Variants in ZNF506 observed in about 807,000 individuals in gnomAD.
ZNF506 encodes the protein zinc finger protein 506.
In ZNF506, 10 loss-of-function variants were observed where a neutral mutation model predicts 11.6. The observed-to-expected ratio is 0.86, with a 90% CI of 0.53 to 1.46. The LOEUF (loss-of-function observed/expected upper bound fraction) is 1.46. Ranked by LOEUF, ZNF506 falls within the 40% of genes most tolerant of loss-of-function variation. The probability of loss-of-function intolerance (pLI) is 0.00; values close to 1 mark genes in which losing one functional copy is unlikely to be tolerated. For missense variants in ZNF506, 425 were observed against 521.2 expected (o/e 0.82, Z 1.80); for synonymous variants, 156 against 173.3 (o/e 0.90, Z 0.78).
At position 19,794,573 on chromosome 19, in the gene ZNF506, T is replaced by C. The variant is rs1022572619; in HGVS notation, c.1314A>G (p.Gln438=). The C allele has an allele frequency of 2.5e-6, 4 of 1,599,182 alleles. No homozygotes were observed. The African/African-American group carries it at 4.0e-5, about 16-fold the overall frequency. ...KNVENLLNVP[Q]PLISIR is the part of the protein sequence containing the mutation. ...TGAATTATCTTATGCTTATTAAGGG[T>C]TGAGGAACATTTAAAAGATTTTCCA... Residue 438 remains glutamine, a synonymous_variant, in exon 4 of 4, where the codon CAA becomes CAG. Transcript: ENST00000540806.
rs1448169150 is a variant in ZNF506 at position 19,807,078 on chromosome 19, A to T, written c.4-10T>A. The T allele has an allele frequency of 1.2e-6, 2 of 1,613,040 alleles. No individual in the cohort carries two copies. The highest frequency in any genetic ancestry group is 3.3e-5 in the Admixed American group (2 of 59,814). On this transcript the variant is annotated splice_polypyrimidine_tract_variant and intron_variant, in intron 1 of 3. Transcript: ENST00000540806. ...TAAATTGCAATGGTCCCTGAAAAAA[A>T]CACACACACTTATTTTTACCAAGTG...
intron 3 of ZNF506, among the ~76,000 whole-genome samples, chr19:19,802,233 G>A (rs973507599): frequency 2.0e-5 from 3 of 150,156 alleles, no homozygotes; most frequent in East Asian, 1.9e-4. Flanking sequence ...AATTGTCTAC[G>A]TAACTGCAAT....
At position 19,806,967 on chromosome 19, in the gene ZNF506, C is replaced by A; in HGVS notation, c.105G>T (p.Glu35Asp). The stretch of plus-strand genomic sequence containing the variant: ...CAAGGAAGATCAGGTTTCTGTAGTT[C>A]TCTAACATCACATCCCTATATAGAT... ...QRNLYRDVML[E>D]NYRNLIFLGI... is the part of the protein sequence containing the mutation. The change falls in exon 2 of 4, where the codon GAG (glutamate) becomes GAT (aspartate). Residue 35 changes from glutamate to aspartate, a missense_variant. Coordinates refer to ENST00000540806, the MANE Select transcript of ZNF506 (RefSeq NM_001099269.3). 1 of 1,613,692 alleles carries A rather than the reference C, an allele frequency of 6.2e-7. No homozygotes were observed. The highest frequency in any genetic ancestry group is 1.1e-5 in the South Asian group (1 of 90,962).
chr19:19,816,260 T>C (rs1298925761), intron 1 of ZNF506, among the ~76,000 whole-genome samples: 1 of 151,972 alleles, frequency 6.6e-6, no homozygotes, highest in African/African-American at 2.4e-5. Flanking sequence ...CCTGGCTCAC[T>C]GCAACCGCTG....
intron 2 of ZNF506, among the ~76,000 whole-genome samples, chr19:19,806,532 A>G (rs1302537088): frequency 1.3e-5 from 2 of 152,244 alleles, no homozygotes; most frequent in Non-Finnish European, 2.9e-5. Context: ...CTGGGATTAT[A>G]GGTGTGAGCC....
In ZNF506 at chr19:19,805,918, A is replaced by G. The variant is rs532778965; in HGVS notation, c.226+113T>C. Reference sequence around the variant, plus strand: ...AAAAGAAAAAAAAAGCTGCCCAGGAACTATTTCCTTGGGAACACAGCTTCC... The same window carrying G: ...AAAAGAAAAAAAAAGCTGCCCAGGAGCTATTTCCTTGGGAACACAGCTTCC... On this transcript the variant is annotated intron_variant, in intron 3 of 3. Coordinates refer to ENST00000540806, the MANE Select transcript of ZNF506 (RefSeq NM_001099269.3). The G allele has an allele frequency of 1.5e-4, 136 of 927,312 alleles. No homozygotes were observed. In the South Asian group the frequency reaches 2.0e-3, roughly 14 times the overall value. The allele number at this position is 927,312 out of a possible 1,614,324, so 57.4% of individuals were successfully genotyped here.
At chr19:19,817,434 A>T (rs1273013194) in intron 1 of ZNF506, among the ~76,000 whole-genome samples, 2 of 46,276 alleles carry the variant, frequency 4.3e-5, no homozygotes, top group East Asian at 3.4e-3. Context: ...CGTAAATCTG[A>T]TTTTTTTTTT....
At chr19:19,812,238 G>A (rs1274081677) in intron 1 of ZNF506, among the ~76,000 whole-genome samples, 1 of 152,210 alleles carries the variant, frequency 6.6e-6, no homozygotes, top group East Asian at 1.9e-4. Context: ...TTCTGCATGG[G>A]ACATCTCAAA....
At position 19,794,558 on chromosome 19, in the gene ZNF506, T is replaced by C. The variant is rs748499827; in HGVS notation, c.1329A>G (p.Ile443Met). 19 of 1,589,518 alleles carry C rather than the reference T, an allele frequency of 1.2e-5. No homozygotes were observed. The highest frequency in any genetic ancestry group is 1.7e-4 in the Middle Eastern group (1 of 5,902). Reference protein sequence around the residue: ...LLNVPQPLISIR With the variant: ...LLNVPQPLISMR ...GGTTTCTCTCCAGTATGAATTATCT[T>C]ATGCTTATTAAGGGTTGAGGAACAT... Residue 443 changes from isoleucine to methionine, a missense_variant, in exon 4 of 4, where the codon ATA becomes ATG. By Grantham distance (10) the Ile-to-Met change is conservative (BLOSUM62 1). Transcript: ENST00000540806.
chr19:19,799,243 A>C (rs2062770718), intron 3 of ZNF506: 1 of 384,560 alleles, frequency 2.6e-6, no homozygotes, highest in Non-Finnish European at 4.6e-6. Flanking sequence ...AACAAAGTTG[A>C]ATAGAGCAAT....
chr19:19,798,445 G>C (rs1290651848), intron 3 of ZNF506: 1 of 151,594 alleles, frequency 6.6e-6, no homozygotes, highest in Non-Finnish European at 1.5e-5. Context: ...TCAGGAGATG[G>C]AGACCATCCT....
chr19:19,808,594 C>T (rs1568478168), intron 1 of ZNF506, among the ~76,000 whole-genome samples: 1 of 144,106 alleles, frequency 6.9e-6, no homozygotes, highest in Non-Finnish European at 1.5e-5. Context: ...GCCTGTAATC[C>T]CAGCACTTTG....
At chr19:19,809,918 G>T (rs1295433110) in intron 1 of ZNF506, among the ~76,000 whole-genome samples, 1 of 152,158 alleles carries the variant, frequency 6.6e-6, no homozygotes, top group Admixed American at 6.5e-5. Flanking sequence ...TAAACAACAT[G>T]GATGCTTCCA....
At chr19:19,816,518 T>C (rs1361924913) in intron 1 of ZNF506, among the ~76,000 whole-genome samples, 2 of 152,262 alleles carry the variant, frequency 1.3e-5, no homozygotes, top group South Asian at 2.1e-4. Context: ...CCACCACGCC[T>C]GGCTAATTTT....
At chr19:19,808,983 T>C (rs1317884650) in intron 1 of ZNF506, among the ~76,000 whole-genome samples, 2 of 152,194 alleles carry the variant, frequency 1.3e-5, no homozygotes, top group African/African-American at 2.4e-5. Context: ...TAATAATTTT[T>C]TTCAGAACTT....
chr19:19,805,985 A>G (rs201776672), intron 3 of ZNF506, 46 bp downstream of exon 3: 235 of 1,478,552 alleles, frequency 1.6e-4, no homozygotes, highest in Non-Finnish European at 2.0e-4. Context: ...TGACCTTGGG[A>G]CCTCTATCTG....
Position 19,795,400 on chromosome 19 carries a change from G to T in ZNF506, c.487C>A (p.His163Asn). ...FLHKFSNSNKHKIRDTGKKSF... is the reference protein window; with the variant it reads ...FLHKFSNSNKNKIRDTGKKSF... ...TTTTTTCCAGTATCTCTTATCTTAT[G>T]TTTGTTTGAATTTGAAAATTTATGC... The change falls in exon 4 of 4, where the codon CAT becomes AAT. Residue 163 changes from histidine (H) to asparagine (N), a missense_variant. His to Asn is a moderately conservative substitution (Grantham distance 68). Transcript: ENST00000540806. The T allele has an allele frequency of 6.3e-7, 1 of 1,595,896 alleles. No individual in the cohort carries two copies. The highest frequency in any genetic ancestry group is 8.5e-7 in the Non-Finnish European group (1 of 1,173,998).
intron 1 of ZNF506, among the ~76,000 whole-genome samples, chr19:19,811,248 C>T (rs1241647441): frequency 6.6e-6 from 1 of 152,158 alleles, no homozygotes; most frequent in African/African-American, 2.4e-5. Context: ...CAACCTCTGC[C>T]TCCCAGATTC....
intron 3 of ZNF506, among the ~76,000 whole-genome samples, chr19:19,803,730 A>C (rs1016445687): frequency 4.6e-5 from 7 of 152,236 alleles, no homozygotes; most frequent in African/African-American, 1.7e-4. Flanking sequence ...AAATTAGTTT[A>C]TGAAAACTTG....
Sources: gnomAD v4.1 joint callset for allele counts (sites outside exome capture counted in the v4.1 genomes callset) on GRCh38, gnomAD v4.1.1 for gene constraint, MANE v1.5 for transcripts, NCBI Gene and HGNC (gene_info 2026-07-23, HGNC 2026-07-21) for gene names.